The following SBF2 variants were observed in gnomAD, a reference collection of about 807,000 sequenced individuals.
SBF2 encodes myotubularin-related protein 13.
Under a neutral mutation model 225.2 loss-of-function variants are expected in SBF2, and 112 were observed. That is an observed-to-expected ratio of 0.50 (90% CI 0.43 to 0.58). The LOEUF is 0.58. Among genes scored for constraint, SBF2 ranks in the 20% least tolerant of loss-of-function variants. The probability of loss-of-function intolerance (pLI) is 0.00; values close to 1 mark genes in which losing one functional copy is unlikely to be tolerated. For synonymous variants in SBF2, 763 were observed against 773.3 expected (o/e 0.99, Z 0.22); for missense variants, 1,996 against 2,206.2 (o/e 0.90, Z 1.91).
intron 13 of SBF2, among the ~76,000 whole-genome samples, chr11:9,985,704 T>C (rs1947172425): frequency 6.6e-6 from 1 of 152,128 alleles, no homozygotes; most frequent in South Asian, 2.1e-4. Flanking sequence ...TATATAATGG[T>C]AAAAGGCCTT....
chr11:10,110,296 A>G (rs1444165537), intron 2 of SBF2, among the ~76,000 whole-genome samples: 1 of 152,144 alleles, frequency 6.6e-6, no homozygotes, highest in Non-Finnish European at 1.5e-5. Flanking sequence ...CATATTATCA[A>G]TGCACATTAA....
intron 1 of SBF2, among the ~76,000 whole-genome samples, chr11:10,274,368 G>A (rs1236823729): frequency 6.6e-6 from 1 of 152,134 alleles, no homozygotes; most frequent in East Asian, 1.9e-4. Context: ...GAGTCAGCAG[G>A]TTTCTGTAGT....
In SBF2 at chr11:9,968,436, T is replaced by G; in HGVS notation, c.1505A>C (p.Gln502Pro). The G allele has an allele frequency of 6.2e-7, 1 of 1,614,114 alleles. No individual in the cohort carries two copies. Among genetic ancestry groups the G allele is most frequent in the Non-Finnish European group, 8.5e-7 (1 of 1,179,954 alleles). ...PFPEINEARV[Q>P]ELIQENVAKN... ...AGCAACATTTTCCTGTATTAATTCC[T>G]GAACCCGGGCTTCATTAATCTCTGG... is the stretch of plus-strand genomic sequence containing the variant. Residue 502 changes from glutamine to proline, a missense_variant, in exon 14 of 40, where the codon CAG becomes CCG. By Grantham distance (76) the Gln-to-Pro change is moderately conservative. Coordinates refer to ENST00000256190, the MANE Select transcript of SBF2 (RefSeq NM_030962.4).
intron 16 of SBF2, among the ~76,000 whole-genome samples, chr11:9,916,060 T>C (rs1215701978): frequency 6.6e-6 from 1 of 152,112 alleles, no homozygotes; most frequent in Non-Finnish European, 1.5e-5. Flanking sequence ...TGAGATTCTG[T>C]CTCCAAAAAC....
At chr11:9,907,077 GAA>G (rs956498363) in intron 16 of SBF2, among the ~76,000 whole-genome samples, 4 of 152,190 alleles carry the variant, frequency 2.6e-5, no homozygotes, top group African/African-American at 9.6e-5. Flanking sequence ...ACACAGCTCA[GAA>G]AAAAGTTTTT....
chr11:10,009,259 T>C (rs958393237), intron 6 of SBF2, among the ~76,000 whole-genome samples: 3 of 152,202 alleles, frequency 2.0e-5, no homozygotes, highest in African/African-American at 7.2e-5. Context: ...TTGCTTTCTA[T>C]ATATTTTTAT....
chr11:9,975,838 G>A (rs950239812), intron 13 of SBF2, among the ~76,000 whole-genome samples: 4 of 152,056 alleles, frequency 2.6e-5, no homozygotes, highest in African/African-American at 9.7e-5. Flanking sequence ...TTTATTCACA[G>A]TTGGCAAACA....
chr11:10,043,301 G>A (rs900766208), intron 2 of SBF2, among the ~76,000 whole-genome samples: 4 of 152,076 alleles, frequency 2.6e-5, no homozygotes, highest in Non-Finnish European at 5.9e-5. Context: ...ACAAATCATG[G>A]AATACATTAG....
chr11:10,161,115 A>T (rs559494005), intron 2 of SBF2, among the ~76,000 whole-genome samples: 1 of 150,014 alleles, frequency 6.7e-6, no homozygotes, highest in African/African-American at 2.5e-5. Context: ...AGCCTGGGAG[A>T]CAGAGTTTGC....
chr11:10,127,612 T>C (rs2135080217), intron 2 of SBF2, among the ~76,000 whole-genome samples: 1 of 152,300 alleles, frequency 6.6e-6, no homozygotes. Flanking sequence ...AATCCTTTTG[T>C]GTCAAAGTAT....
chr11:10,096,098 C>G (rs932660419), intron 2 of SBF2, among the ~76,000 whole-genome samples: 13 of 152,028 alleles, frequency 8.6e-5, no homozygotes, highest in African/African-American at 2.9e-4. Flanking sequence ...ATAAACCATG[C>G]CACACTGACT....
At chr11:9,986,646 A>G (rs1286905323) in intron 13 of SBF2, among the ~76,000 whole-genome samples, 1 of 151,970 alleles carries the variant, frequency 6.6e-6, no homozygotes, top group East Asian at 1.9e-4. Context: ...TCAAGGCAAC[A>G]CCTTTACGCA....
At chr11:10,094,705 T>C (rs1478192741) in intron 2 of SBF2, among the ~76,000 whole-genome samples, 2 of 151,886 alleles carry the variant, frequency 1.3e-5, no homozygotes, top group African/African-American at 2.4e-5. Context: ...GGTTTCACCA[T>C]GTTGGCCAGG....
chr11:10,255,326 A>T (rs562908673), intron 1 of SBF2, among the ~76,000 whole-genome samples: 178 of 152,202 alleles, frequency 1.2e-3, no homozygotes, highest in Non-Finnish European at 1.7e-3. Context: ...TCAAAACATT[A>T]TGTTGTACAT....
Position 9,848,413 on chromosome 11 carries a change from C to T in SBF2, c.2807-1330G>A, listed in dbSNP as rs766536361. Reference sequence around the variant, plus strand: ...ATTTTCTTTGACAAAAATAATTTTCCTAAGTGAAATTAATTCAAAATTTGA... The same window carrying T: ...ATTTTCTTTGACAAAAATAATTTTCTTAAGTGAAATTAATTCAAAATTTGA... On this transcript the variant is annotated intron_variant, in intron 22 of 39. Transcript: ENST00000256190. Among the ~76,000 whole-genome samples the T allele has an allele frequency of 9.7e-4, 148 of 151,944 alleles. 1 individual carries two copies. Among genetic ancestry groups the T allele is most frequent in the Non-Finnish European group, 1.2e-3 (80 of 67,944 alleles).
chr11:10,294,290 G>C (rs1198303044), upstream of SBF2: 4 of 361,894 alleles, frequency 1.1e-5, no homozygotes, highest in Non-Finnish European at 2.0e-5. Context: ...CCCCAAGCCC[G>C]GGCGGCGAGC....
chr11:10,022,593 T>C (rs1177752678), intron 6 of SBF2, among the ~76,000 whole-genome samples: 1 of 152,024 alleles, frequency 6.6e-6, no homozygotes, highest in Non-Finnish European at 1.5e-5. Context: ...GCCCCTTTTA[T>C]GTACCCACCC....
intron 2 of SBF2, among the ~76,000 whole-genome samples, chr11:10,082,962 T>C (rs1170825979): frequency 1.3e-5 from 2 of 152,134 alleles, no homozygotes; most frequent in Non-Finnish European, 2.9e-5. Context: ...AACAATATGA[T>C]CTTATACCTA....
intron 1 of SBF2, among the ~76,000 whole-genome samples, chr11:10,242,500 T>C (rs1350701245): frequency 6.6e-6 from 1 of 152,132 alleles, no homozygotes. Context: ...AGTTCTTATC[T>C]ATCAATCACG....
Sources: gnomAD v4.1 joint callset for allele counts (sites outside exome capture counted in the v4.1 genomes callset) on GRCh38, gnomAD v4.1.1 for gene constraint, MANE v1.5 for transcripts, NCBI Gene and HGNC (gene_info 2026-07-23, HGNC 2026-07-21) for gene names.